The following UBE2G1 variants were observed in gnomAD, a reference collection of about 807,000 sequenced individuals.
UBE2G1 encodes ubiquitin-conjugating enzyme E2 G1.
UBE2G1 carries 5 observed loss-of-function variants against 22.7 expected under a neutral mutation model. The observed-to-expected ratio is 0.22, with a 90% confidence interval of 0.12 to 0.46. UBE2G1 has a LOEUF of 0.46. UBE2G1 is among the 20% of genes least tolerant of loss of function. The probability of loss-of-function intolerance (pLI) is 0.99; values close to 1 mark genes in which losing one functional copy is unlikely to be tolerated. For missense variants in UBE2G1, 88 were observed against 203.9 expected, an observed-to-expected ratio of 0.43 and a Z score of 3.46; for synonymous variants, 74 against 67.5, an observed-to-expected ratio of 1.10 and a Z score of -0.47.
rs1969587057 is a variant in UBE2G1, at chr17:4,332,219, T to C, written c.47-25096A>G. Reference sequence around the variant, plus strand: ...TTTCATACACAAACCTCAATTTTACTTCTTGTCCACTAAGTCAGAGGCTAT... The same window carrying C: ...TTTCATACACAAACCTCAATTTTACCTCTTGTCCACTAAGTCAGAGGCTAT... On this transcript the variant is annotated intron_variant, in intron 1 of 5. Transcript: ENST00000396981. 1.3e-5 allele frequency among the ~76,000 whole-genome samples: 2 copies of C among 152,214 alleles called. 1 individual carries two copies. The highest frequency in any genetic ancestry group is 4.1e-4 in the South Asian group (2 of 4,830).
chr17:4,294,951 C>T (rs991422234), intron 3 of UBE2G1, among the ~76,000 whole-genome samples: 3 of 135,698 alleles, frequency 2.2e-5, no homozygotes, highest in East Asian at 2.1e-4. Flanking sequence ...AGGGAGGGAG[C>T]GAGAGAGGGA....
intron 3 of UBE2G1, among the ~76,000 whole-genome samples, chr17:4,292,610 C>T (rs1488796294): frequency 6.6e-6 from 1 of 152,222 alleles, no homozygotes; most frequent in Non-Finnish European, 1.5e-5. Flanking sequence ...GCCAAGACAA[C>T]TAATACTGTG....
intron 1 of UBE2G1, among the ~76,000 whole-genome samples, chr17:4,356,321 G>A (rs552018398): frequency 6.6e-6 from 1 of 151,898 alleles, no homozygotes; most frequent in East Asian, 2.0e-4. Context: ...TGGTGCTACT[G>A]CACTTCAGCC....
intron 1 of UBE2G1, among the ~76,000 whole-genome samples, chr17:4,357,807 C>CA (rs1378081808): frequency 8.6e-5 from 13 of 151,096 alleles, no homozygotes; most frequent in East Asian, 1.9e-4. Flanking sequence ...TCAAAAAAAA[C>CA]AAAAAAAATA....
At chr17:4,274,214 T>C (rs1159471518) in intron 5 of UBE2G1, among the ~76,000 whole-genome samples, 1 of 148,480 alleles carries the variant, frequency 6.7e-6, no homozygotes, top group African/African-American at 2.5e-5. Flanking sequence ...TTTTTTTTTT[T>C]TGAGACAGAG....
chr17:4,280,714 C>T (rs996510182), intron 5 of UBE2G1, among the ~76,000 whole-genome samples: 6 of 147,986 alleles, frequency 4.1e-5, no homozygotes, highest in Middle Eastern at 3.8e-3. Flanking sequence ...CTCGGCTCAC[C>T]GCAACCTCCG....
intron 1 of UBE2G1, among the ~76,000 whole-genome samples, chr17:4,342,010 G>C (rs12937759): frequency 1.3e-5 from 2 of 151,918 alleles, no homozygotes; most frequent in Non-Finnish European, 2.9e-5. Context: ...CCTATCTACA[G>C]TTACTCCCTT....
intron 1 of UBE2G1, among the ~76,000 whole-genome samples, chr17:4,343,634 G>C (rs1262254930): frequency 6.6e-6 from 1 of 151,690 alleles, no homozygotes; most frequent in East Asian, 1.9e-4. Flanking sequence ...TGTCGCCCAG[G>C]CTGGAGTGTG....
At chr17:4,364,041 G>T (rs926076378) in intron 1 of UBE2G1, 1 of 149,988 alleles carries the variant, frequency 6.7e-6, no homozygotes, top group East Asian at 2.0e-4. Flanking sequence ...CAGGCAGGCG[G>T]ATCACCAGGT....
chr17:4,292,329 A>C (rs1969052036), intron 3 of UBE2G1, among the ~76,000 whole-genome samples: 1 of 151,260 alleles, frequency 6.6e-6, no homozygotes, highest in African/African-American at 2.4e-5. Context: ...AAAAAAAAAA[A>C]AAAACCCAAA....
intron 1 of UBE2G1, among the ~76,000 whole-genome samples, chr17:4,319,545 G>A (rs1323899607): frequency 6.6e-6 from 1 of 152,176 alleles, no homozygotes; most frequent in African/African-American, 2.4e-5. Context: ...GACCAGCCTG[G>A]ACAACACAGG....
intron 1 of UBE2G1, among the ~76,000 whole-genome samples, chr17:4,345,145 C>A (rs1161587189): frequency 6.6e-6 from 1 of 152,162 alleles, no homozygotes; most frequent in Non-Finnish European, 1.5e-5. Context: ...GCCAGAAATA[C>A]AAGGAAGTCC....
chr17:4,348,127 G>A (rs1188601212), intron 1 of UBE2G1, among the ~76,000 whole-genome samples: 2 of 152,176 alleles, frequency 1.3e-5, no homozygotes, highest in Admixed American at 6.5e-5. Context: ...GCGCAATGGC[G>A]TGCACCTGTA....
rs58760652 is a variant in UBE2G1 at position 4,329,334 on chromosome 17, G to A, written c.47-22211C>T. On this transcript the variant is annotated intron_variant, in intron 1 of 5. Transcript: ENST00000396981. ...GAACTGCTTGAACCTGGGAGGCGGA[G>A]GTTGCAGTGAGCAGAGATCGCACCA... Among the ~76,000 whole-genome samples the A allele has an allele frequency of 1.1e-3, 170 of 151,756 alleles. 2 individuals are homozygous for A. Among genetic ancestry groups the A allele is most frequent in the African/African-American group, 3.9e-3 (160 of 41,368 alleles).
intron 2 of UBE2G1, among the ~76,000 whole-genome samples, chr17:4,300,396 A>G (rs1311466593): frequency 6.6e-6 from 1 of 151,854 alleles, no homozygotes; most frequent in Non-Finnish European, 1.5e-5. Flanking sequence ...TGCAAAAATT[A>G]GCCAGGCGTG....
intron 2 of UBE2G1, among the ~76,000 whole-genome samples, chr17:4,298,005 A>T (rs560491845): frequency 6.6e-6 from 1 of 152,364 alleles, no homozygotes; most frequent in Admixed American, 6.5e-5. Context: ...ACAGAGAACA[A>T]AGCATTAAAG....
chr17:4,351,427 T>G (rs1597265707), intron 1 of UBE2G1, among the ~76,000 whole-genome samples: 1 of 152,182 alleles, frequency 6.6e-6, no homozygotes, highest in African/African-American at 2.4e-5. Context: ...GAGTTAAATA[T>G]AAACCAAACT....
chr17:4,356,938 G>A (rs1969912356), intron 1 of UBE2G1, among the ~76,000 whole-genome samples: 2 of 152,122 alleles, frequency 1.3e-5, no homozygotes, highest in Admixed American at 6.6e-5. Context: ...AGGGGGAACT[G>A]TACAGAAAGG....
chr17:4,326,557 A>G (rs1240924168), intron 1 of UBE2G1, among the ~76,000 whole-genome samples: 2 of 152,222 alleles, frequency 1.3e-5, no homozygotes, highest in African/African-American at 4.8e-5. Context: ...TAGAATTACC[A>G]TATGATCCAG....
Sources: gnomAD v4.1 joint callset for allele counts (sites outside exome capture counted in the v4.1 genomes callset) on GRCh38, gnomAD v4.1.1 for gene constraint, MANE v1.5 for transcripts, NCBI Gene and HGNC (gene_info 2026-07-23, HGNC 2026-07-21) for gene names.